Variants in HECW1 observed in about 807,000 individuals in gnomAD.
HECW1 encodes E3 ubiquitin-protein ligase HECW1.
HECW1 carries 61 observed loss-of-function variants against 182.3 expected under a neutral mutation model. The observed-to-expected ratio is 0.33, with a 90% CI of 0.27 to 0.41. The LOEUF (loss-of-function observed/expected upper bound fraction) is 0.41, where lower values mean the gene tolerates loss of function less well. Among genes scored for constraint, HECW1 ranks in the 10% least tolerant of loss-of-function variants. HECW1 has a pLI of 1.00. For missense variants in HECW1, 1,739 were observed against 2,108.9 expected (o/e 0.82, Z 3.44); for synonymous variants, 859 against 832.6 (o/e 1.03, Z -0.55).
chr7:43,240,715 C>T (rs565049056), intron 2 of HECW1, among the ~76,000 whole-genome samples: 58 of 152,168 alleles, frequency 3.8e-4, no homozygotes, highest in Non-Finnish European at 7.6e-4. Flanking sequence ...TGCCAGTCAG[C>T]GTTGATGAGT....
intron 2 of HECW1, among the ~76,000 whole-genome samples, chr7:43,178,454 G>C (rs952771432): frequency 6.6e-6 from 1 of 152,178 alleles, no homozygotes; most frequent in African/African-American, 2.4e-5. Context: ...GAATTTACTG[G>C]ATTAAATAAG....
chr7:43,403,494 G>A (rs149966352), intron 7 of HECW1, among the ~76,000 whole-genome samples: 12 of 152,288 alleles, frequency 7.9e-5, no homozygotes, highest in African/African-American at 2.9e-4. Context: ...CCCTGGTAGA[G>A]AGCGGAAGAG....
chr7:43,529,286 G>C (rs1490217563), intron 24 of HECW1, among the ~76,000 whole-genome samples: 2 of 152,050 alleles, frequency 1.3e-5, no homozygotes, highest in Non-Finnish European at 2.9e-5. Context: ...CAGGCCTCCT[G>C]AGCGCCTTCA....
chr7:43,196,011 G>A (rs570186272), intron 2 of HECW1, among the ~76,000 whole-genome samples: 77 of 152,234 alleles, frequency 5.1e-4, no homozygotes, highest in African/African-American at 7.0e-4. Flanking sequence ...GGGTCCAGTC[G>A]GTCTTAGCCA....
chr7:43,491,946 C>T (rs1377613506), intron 17 of HECW1, 129 bp from the exon 18 acceptor site: 1 of 648,998 alleles, frequency 1.5e-6, no homozygotes, highest in African/African-American at 1.8e-5. Context: ...CTTTCTTTTC[C>T]ATCACTTTTT....
chr7:43,202,386 GA>G (rs1203740631), intron 2 of HECW1, among the ~76,000 whole-genome samples: 1 of 151,636 alleles, frequency 6.6e-6, no homozygotes, highest in Admixed American at 6.6e-5. Context: ...GAACCAAAAA[GA>G]AAAGTATCTT....
chr7:43,294,696 C>A (rs1380962343), intron 3 of HECW1, among the ~76,000 whole-genome samples: 1 of 152,172 alleles, frequency 6.6e-6, no homozygotes, highest in Non-Finnish European at 1.5e-5. Flanking sequence ...CAGGATTGTG[C>A]AGCAGGTGGA....
chr7:43,279,039 G>T (rs921443878), intron 3 of HECW1, among the ~76,000 whole-genome samples: 5 of 152,172 alleles, frequency 3.3e-5, no homozygotes, highest in African/African-American at 9.7e-5. Context: ...AATACATCCA[G>T]CAGTTTTCAG....
intron 24 of HECW1, among the ~76,000 whole-genome samples, chr7:43,525,720 T>A (rs2080730501): frequency 6.6e-6 from 1 of 152,106 alleles, no homozygotes. Flanking sequence ...AAACTAATGA[T>A]CAGGAATATC....
At chr7:43,328,171 A>T (rs975146854) in intron 5 of HECW1, among the ~76,000 whole-genome samples, 1 of 152,004 alleles carries the variant, frequency 6.6e-6, no homozygotes, top group African/African-American at 2.4e-5. Flanking sequence ...ATAAAAATTT[A>T]AAAATGTTAG....
intron 29 of HECW1, among the ~76,000 whole-genome samples, chr7:43,557,798 C>G (rs930992208): frequency 6.6e-5 from 10 of 152,188 alleles, no homozygotes; most frequent in African/African-American, 2.4e-4. Context: ...CTCATTTGCA[C>G]ATATGTGTGT....
At chr7:43,304,500 T>A (rs1366587334) in intron 3 of HECW1, among the ~76,000 whole-genome samples, 2 of 146,304 alleles carry the variant, frequency 1.4e-5, no homozygotes, top group African/African-American at 5.1e-5. Context: ...ATTTATTTAT[T>A]TATTTATCGA....
chr7:43,378,626 GA>G (rs1465398413), intron 6 of HECW1, among the ~76,000 whole-genome samples: 1 of 152,142 alleles, frequency 6.6e-6, no homozygotes, highest in Non-Finnish European at 1.5e-5. Context: ...CCAACATAGT[GA>G]AACCCCATTT....
At chr7:43,264,628 A>G (rs767784159) in intron 3 of HECW1, among the ~76,000 whole-genome samples, 26 of 152,176 alleles carry the variant, frequency 1.7e-4, no homozygotes, top group Admixed American at 3.9e-4. Context: ...GGCAGATCAC[A>G]AGGTCAGGAG....
At chr7:43,121,915 T>C (rs1217250069) in intron 2 of HECW1, 1 of 152,210 alleles carries the variant, frequency 6.6e-6, no homozygotes, top group Non-Finnish European at 1.5e-5. Flanking sequence ...TTTCTCCGAA[T>C]GTGAAATGAG....
chr7:43,331,664 G>A (rs1027758978), intron 5 of HECW1, among the ~76,000 whole-genome samples: 2 of 152,076 alleles, frequency 1.3e-5, no homozygotes, highest in African/African-American at 2.4e-5. Context: ...TAAAAATAGG[G>A]ACTCTCATTA....
intron 22 of HECW1, 74 bp from the exon 23 acceptor site, chr7:43,507,944 C>T: frequency 9.7e-7 from 1 of 1,029,114 alleles, no homozygotes; most frequent in Non-Finnish European, 1.5e-6. Context: ...TAAACCTGGA[C>T]TCACAACTCA....
chr7:43,197,622 A>C (rs1794589728), intron 2 of HECW1, among the ~76,000 whole-genome samples: 1 of 152,164 alleles, frequency 6.6e-6, no homozygotes, highest in African/African-American at 2.4e-5. Context: ...TCACTGCTGC[A>C]TGAAGAACAG....
chr7:43,271,379 A>T (rs1802389794), intron 3 of HECW1, among the ~76,000 whole-genome samples: 1 of 152,202 alleles, frequency 6.6e-6, no homozygotes, highest in Non-Finnish European at 1.5e-5. Flanking sequence ...AAGAGAAAGA[A>T]ATGAAAGGGG....
Sources: gnomAD v4.1 joint callset for allele counts (sites outside exome capture counted in the v4.1 genomes callset) on GRCh38, gnomAD v4.1.1 for gene constraint, MANE v1.5 for transcripts, NCBI Gene and HGNC (gene_info 2026-07-23, HGNC 2026-07-21) for gene names.